THSD4: variants seen among roughly 807,000 people sequenced by gnomAD.
The protein encoded by THSD4 is thrombospondin type-1 domain-containing protein 4.
A neutral mutation model predicts 119.0 loss-of-function variants in THSD4; 69 were observed. The observed-to-expected ratio is 0.58, with a 90% CI of 0.48 to 0.71. The LOEUF is 0.71. Ranked by LOEUF, THSD4 falls within the 30% of genes least tolerant of loss-of-function variation. THSD4 has a pLI of 0.00. For synonymous variants in THSD4, 524 were observed against 540.4 expected (o/e 0.97, Z 0.42); for missense variants, 1,393 against 1,391.1 (o/e 1.00, Z -0.02).
intron 7 of THSD4, among the ~76,000 whole-genome samples, chr15:71,614,877 T>C (rs1248494636): frequency 1.3e-5 from 2 of 152,184 alleles, no homozygotes; most frequent in African/African-American, 4.8e-5. Context: ...TCCACTAGTA[T>C]AAGCAAACAT....
intron 1 of THSD4, among the ~76,000 whole-genome samples, chr15:71,125,451 C>A (rs1048164164): frequency 1.3e-5 from 2 of 152,242 alleles, no homozygotes; most frequent in Admixed American, 1.3e-4. Context: ...ACATGCTGAG[C>A]CTCTTTGAAA....
intron 7 of THSD4, among the ~76,000 whole-genome samples, chr15:71,567,311 G>C (rs949359422): frequency 3.9e-5 from 6 of 152,100 alleles, no homozygotes; most frequent in African/African-American, 1.4e-4. Flanking sequence ...TTGGCAGGTG[G>C]TTCTACTGGT....
rs545816642 is a variant in THSD4, at chr15:71,525,009, T to G, written c.1152+113186T>G. On this transcript the variant is annotated intron_variant, in intron 7 of 17. Transcript: ENST00000261862. ...AACCAAGATCAGCAGTTATGCATCT[T>G]GGATGCAGTCTTCCTGGACTCTTCA... 9.8e-4 allele frequency among the ~76,000 whole-genome samples: 149 copies of G among 151,364 alleles called. 1 individual carries two copies. Among genetic ancestry groups the G allele is most frequent in the African/African-American group, 3.3e-3 (138 of 41,214 alleles).
chr15:71,740,604 G>A (rs2053215815), intron 11 of THSD4, among the ~76,000 whole-genome samples: 1 of 152,148 alleles, frequency 6.6e-6, no homozygotes, highest in African/African-American at 2.4e-5. Context: ...CGCTCCCACG[G>A]TCTCTCTAAT....
At chr15:71,662,265 G>A (rs527946308) in intron 8 of THSD4, among the ~76,000 whole-genome samples, 17 of 416 alleles carry the variant, frequency 0.041, no homozygotes, top group East Asian at 0.12. Context: ...TGGTTTTACG[G>A]GGGGGGAGGA....
At chr15:71,540,796 C>T (rs1489182566) in intron 7 of THSD4, among the ~76,000 whole-genome samples, 1 of 145,122 alleles carries the variant, frequency 6.9e-6, no homozygotes, top group African/African-American at 2.6e-5. Context: ...GATCTTGGCT[C>T]ACTGCAACCT....
chr15:71,465,786 C>T (rs552264688), intron 7 of THSD4, among the ~76,000 whole-genome samples: 2 of 152,294 alleles, frequency 1.3e-5, no homozygotes, highest in East Asian at 3.9e-4. Context: ...GAGAGGAAGG[C>T]ACTGGAAAGA....
chr15:71,335,181 T>A (rs1229668033), intron 6 of THSD4, among the ~76,000 whole-genome samples: 1 of 152,128 alleles, frequency 6.6e-6, no homozygotes, highest in Non-Finnish European at 1.5e-5. Context: ...ACAATACATG[T>A]GAGGTGCTTA....
At chr15:71,324,157 T>C (rs1240547077) in intron 6 of THSD4, among the ~76,000 whole-genome samples, 1 of 152,120 alleles carries the variant, frequency 6.6e-6, no homozygotes, top group African/African-American at 2.4e-5. Flanking sequence ...CTTTGGAAGG[T>C]AGCAAATAAT....
At chr15:71,256,215 C>T (rs942298173) in intron 5 of THSD4, among the ~76,000 whole-genome samples, 3 of 152,184 alleles carry the variant, frequency 2.0e-5, no homozygotes, top group Admixed American at 2.0e-4. Flanking sequence ...TGGCTGACGC[C>T]TGTAATCCCA....
intron 11 of THSD4, among the ~76,000 whole-genome samples, chr15:71,743,970 C>T (rs2053284202): frequency 6.6e-6 from 1 of 152,104 alleles, no homozygotes; most frequent in Admixed American, 6.5e-5. Flanking sequence ...AGTGTTCTTC[C>T]CGGCAGGAGT....
At chr15:71,727,823 C>T (rs1595894901) in intron 8 of THSD4, among the ~76,000 whole-genome samples, 1 of 146,052 alleles carries the variant, frequency 6.8e-6, no homozygotes, top group Non-Finnish European at 1.5e-5. Flanking sequence ...AGAAAAAGAA[C>T]AATGCAAGTA....
intron 7 of THSD4, among the ~76,000 whole-genome samples, chr15:71,423,780 T>G (rs931483379): frequency 2.0e-5 from 3 of 152,320 alleles, no homozygotes; most frequent in Middle Eastern, 3.4e-3. Flanking sequence ...TGGCCTAGAC[T>G]GCCTTTCAGG....
intron 6 of THSD4, among the ~76,000 whole-genome samples, chr15:71,263,995 C>G (rs1306648628): frequency 6.6e-6 from 1 of 152,238 alleles, no homozygotes; most frequent in Non-Finnish European, 1.5e-5. Context: ...AGTCTGATAT[C>G]CACAGAGCCC....
At chr15:71,576,430 A>ATT (rs1385085796) in intron 7 of THSD4, among the ~76,000 whole-genome samples, 3 of 152,164 alleles carry the variant, frequency 2.0e-5, no homozygotes, top group Non-Finnish European at 4.4e-5. Context: ...CTACTCTTTG[A>ATT]GCAAGTCAAA....
intron 1 of THSD4, among the ~76,000 whole-genome samples, chr15:71,129,971 G>A (rs1259456194): frequency 3.9e-5 from 6 of 152,306 alleles, no homozygotes; most frequent in African/African-American, 1.4e-4. Flanking sequence ...ATGTTTTCTG[G>A]ATGGTCAAAT....
At chr15:71,642,870 C>T (rs1272878599) in intron 7 of THSD4, among the ~76,000 whole-genome samples, 1 of 152,026 alleles carries the variant, frequency 6.6e-6, no homozygotes, top group African/African-American at 2.4e-5. Flanking sequence ...TTAATGGGTG[C>T]AGCACACCAG....
At chr15:71,495,748 T>C (rs538068861) in intron 7 of THSD4, among the ~76,000 whole-genome samples, 1 of 152,288 alleles carries the variant, frequency 6.6e-6, no homozygotes, top group South Asian at 2.1e-4. Context: ...AAACGCTTAA[T>C]CCCAGGTAAA....
At chr15:71,133,674 TTGATC>T (rs1244944232) in intron 1 of THSD4, among the ~76,000 whole-genome samples, 1 of 152,220 alleles carries the variant, frequency 6.6e-6, no homozygotes, top group African/African-American at 2.4e-5. Flanking sequence ...TTTCCCCACT[TTGATC>T]TGCAGTATCA....
Sources: allele counts gnomAD v4.1 joint callset (sites outside exome capture counted in the v4.1 genomes callset), GRCh38; gene constraint gnomAD v4.1.1; transcripts MANE v1.5; gene names NCBI Gene and HGNC (gene_info 2026-07-23, HGNC 2026-07-21).